The following ITFG1 variants were observed in gnomAD, a reference collection of about 807,000 sequenced individuals.
ITFG1 encodes integrin alpha FG-GAP repeat containing 1.
Under a neutral mutation model 81.8 loss-of-function variants are expected in ITFG1, and 34 were observed. The ratio of observed to expected loss-of-function variants is 0.42; its 90% CI spans 0.32 to 0.55. ITFG1 has a LOEUF of 0.55. ITFG1 is among the 20% of genes least tolerant of loss of function. ITFG1 has a pLI of 0.17. For synonymous variants in ITFG1, 285 were observed against 270.6 expected (o/e 1.05, Z -0.52); for missense variants, 672 against 755.4 (o/e 0.89, Z 1.29).
intron 5 of ITFG1, among the ~76,000 whole-genome samples, chr16:47,444,516 A>T (rs1969297797): frequency 6.6e-6 from 1 of 152,174 alleles, no homozygotes; most frequent in South Asian, 2.1e-4. Flanking sequence ...ATATACTGTA[A>T]AAAATTATTT....
intron 14 of ITFG1, among the ~76,000 whole-genome samples, chr16:47,201,567 T>G (rs1965425356): frequency 6.6e-6 from 1 of 152,198 alleles, no homozygotes; most frequent in South Asian, 2.1e-4. Flanking sequence ...AATTTATATT[T>G]GTATCAAATC....
chr16:47,440,949 TAAA>T (rs1318672733), intron 5 of ITFG1, among the ~76,000 whole-genome samples: 4 of 151,468 alleles, frequency 2.6e-5, no homozygotes, highest in Admixed American at 1.3e-4. Context: ...GCAAGACTAA[TAAA>T]GAAGAAAAGA....
At chr16:47,260,966 C>T (rs191246674) in intron 10 of ITFG1, among the ~76,000 whole-genome samples, 8 of 152,306 alleles carry the variant, frequency 5.3e-5, no homozygotes, top group Admixed American at 5.2e-4. Flanking sequence ...CCTTCTTCCT[C>T]ATTTACTACT....
At chr16:47,265,994 C>A (rs554517175) in intron 10 of ITFG1, among the ~76,000 whole-genome samples, 43 of 152,120 alleles carry the variant, frequency 2.8e-4, no homozygotes, top group Non-Finnish European at 1.8e-4. Context: ...ATGGAATATA[C>A]AAGAAACTCT....
At chr16:47,315,775 A>ATATATATATATATATATATG (rs200525858) in intron 8 of ITFG1, among the ~76,000 whole-genome samples, 43 of 151,364 alleles carry the variant, frequency 2.8e-4, no homozygotes, top group African/African-American at 1.1e-3. Context: ...TGCCATATAT[A>ATATATATATATATATATATG]TATACACATA....
intron 10 of ITFG1, among the ~76,000 whole-genome samples, chr16:47,300,334 G>A (rs373189498): frequency 5.9e-5 from 9 of 152,206 alleles, no homozygotes; most frequent in Admixed American, 5.9e-4. Context: ...TTTGAAGTAT[G>A]AGGTGTGCTT....
At chr16:47,418,652 G>A (rs570706467) in intron 6 of ITFG1, among the ~76,000 whole-genome samples, 2 of 152,068 alleles carry the variant, frequency 1.3e-5, no homozygotes, top group Non-Finnish European at 2.9e-5. Flanking sequence ...ATTCCATGAC[G>A]TATAATCTTG....
chr16:47,224,403 T>C (rs544777422), intron 13 of ITFG1, among the ~76,000 whole-genome samples: 1 of 152,142 alleles, frequency 6.6e-6, no homozygotes, highest in African/African-American at 2.4e-5. Flanking sequence ...TCCATGAACA[T>C]ATGCAGCACT....
intron 10 of ITFG1, among the ~76,000 whole-genome samples, chr16:47,288,299 T>C (rs1206615785): frequency 2.0e-5 from 3 of 152,226 alleles, no homozygotes; most frequent in South Asian, 2.1e-4. Flanking sequence ...GGCTAAATAT[T>C]TTCCACTGTG....
chr16:47,214,921 AACAC>A (rs57114470), intron 14 of ITFG1, among the ~76,000 whole-genome samples: 30,318 of 144,930 alleles, frequency 0.21, 3,238 homozygotes, highest in African/African-American at 0.28. Context: ...CCAGTGTGAA[AACAC>A]ACACACACAC....
intron 6 of ITFG1, among the ~76,000 whole-genome samples, chr16:47,415,094 G>T (rs1245715847): frequency 6.6e-6 from 1 of 152,172 alleles, no homozygotes; most frequent in African/African-American, 2.4e-5. Context: ...GTTCCCATGT[G>T]TCTGCAGTTT....
intron 12 of ITFG1, among the ~76,000 whole-genome samples, chr16:47,252,354 T>G (rs2151539370): frequency 6.6e-6 from 1 of 152,232 alleles, no homozygotes; most frequent in Middle Eastern, 3.4e-3. Flanking sequence ...GTATCTGCTT[T>G]TGGAGAAAAA....
At chr16:47,168,126 G>A (rs769002762) in intron 14 of ITFG1, among the ~76,000 whole-genome samples, 1 of 152,132 alleles carries the variant, frequency 6.6e-6, no homozygotes, top group Admixed American at 6.5e-5. Context: ...CATCTTAGTG[G>A]TTCTGAAGTG....
At chr16:47,353,958 T>C (rs556203331) in intron 8 of ITFG1, among the ~76,000 whole-genome samples, 1 of 152,186 alleles carries the variant, frequency 6.6e-6, no homozygotes, top group South Asian at 2.1e-4. Context: ...AGGAATATGG[T>C]TAAAATGACC....
chr16:47,254,431 C>T (rs1966117072), intron 12 of ITFG1, among the ~76,000 whole-genome samples: 1 of 151,932 alleles, frequency 6.6e-6, no homozygotes, highest in South Asian at 2.1e-4. Context: ...AATATCTTAT[C>T]AATGTTACAA....
chr16:47,402,278 T>C (rs1968671322), intron 6 of ITFG1, among the ~76,000 whole-genome samples: 1 of 152,244 alleles, frequency 6.6e-6, no homozygotes, highest in South Asian at 2.1e-4. Context: ...AGCATTGTTA[T>C]ATAAAAATGT....
chr16:47,361,389 A>G (rs531289911), intron 8 of ITFG1, among the ~76,000 whole-genome samples: 16 of 152,172 alleles, frequency 1.1e-4, no homozygotes, highest in Non-Finnish European at 1.8e-4. Flanking sequence ...ATTTTCTCTA[A>G]TTTCTATTGA....
chr16:47,181,560 G>T (rs1261686991), intron 14 of ITFG1, among the ~76,000 whole-genome samples: 2 of 140,594 alleles, frequency 1.4e-5, no homozygotes, highest in East Asian at 2.2e-4. Context: ...GTGGGGGGGG[G>T]TCAGCCCCCC....
chr16:47,264,071 A>T (rs909314938), intron 10 of ITFG1, among the ~76,000 whole-genome samples: 1 of 152,192 alleles, frequency 6.6e-6, no homozygotes. Context: ...TAACTAATAT[A>T]TCTTAAACAT....
Sources: gnomAD v4.1 joint callset for allele counts (sites outside exome capture counted in the v4.1 genomes callset) on GRCh38, gnomAD v4.1.1 for gene constraint, MANE v1.5 for transcripts, NCBI Gene and HGNC (gene_info 2026-07-23, HGNC 2026-07-21) for gene names.